The following DYSF variants were observed in gnomAD, a reference collection of about 807,000 sequenced individuals.
DYSF encodes dystrophy-associated fer-1-like 1.
Under a neutral mutation model 274.9 loss-of-function variants are expected in DYSF, and 212 were observed. The ratio of observed to expected loss-of-function variants is 0.77; its 90% CI spans 0.69 to 0.86. The LOEUF (loss-of-function observed/expected upper bound fraction) is 0.86. Among genes scored for constraint, DYSF ranks in the 40% least tolerant of loss-of-function variants. The pLI is 0.00. For synonymous variants in DYSF, 1,091 were observed against 1,078.7 expected, an observed-to-expected ratio of 1.01 and a Z score of -0.22; for missense variants, 2,666 against 2,783.2, an observed-to-expected ratio of 0.96 and a Z score of 0.95.
intron 3 of DYSF, among the ~76,000 whole-genome samples, chr2:71,494,789 G>A (rs973139948): frequency 6.6e-6 from 1 of 152,244 alleles, no homozygotes; most frequent in Admixed American, 6.5e-5. Flanking sequence ...GATAGACAGT[G>A]TTGGAGTGAG....
rs998827835 is a variant in DYSF at position 71,553,923 on chromosome 2, G to A, written c.2101G>A (p.Asp701Asn). 8 of 1,614,058 alleles carry A rather than the reference G, an allele frequency of 5.0e-6. No homozygotes were observed. In the Admixed American group the frequency reaches 6.7e-5, roughly 13 times the overall value. ...ETQNQLLGIA[D>N]RLEAGLEQVH... The stretch of plus-strand genomic sequence containing the variant: ...TCAGAACCAGCTGCTTGGGATTGCT[G>A]ACCGGCTGGTGAGTGAAAACTTGCC... The change falls in exon 21 of 56, where the codon GAC (aspartate) becomes AAC (asparagine). Residue 701 changes from aspartate to asparagine, a missense_variant. Transcript: ENST00000410020.
chr2:71,467,837 A>G (rs1183902042), intron 1 of DYSF, among the ~76,000 whole-genome samples: 1 of 152,244 alleles, frequency 6.6e-6, no homozygotes, highest in East Asian at 1.9e-4. Flanking sequence ...CGTATCAGAA[A>G]AGATAGTCAA....
chr2:71,478,583 C>T (rs2082607253), intron 1 of DYSF, among the ~76,000 whole-genome samples: 1 of 152,112 alleles, frequency 6.6e-6, no homozygotes, highest in African/African-American at 2.4e-5. Context: ...CAAAGAATCA[C>T]AGGAAATAAG....
chr2:71,649,334 A>G (rs1286389651), intron 42 of DYSF, among the ~76,000 whole-genome samples: 1 of 152,164 alleles, frequency 6.6e-6, no homozygotes, highest in African/African-American at 2.4e-5. Context: ...AATGATTGAC[A>G]TATGATAAAA....
intron 46 of DYSF, among the ~76,000 whole-genome samples, chr2:71,664,763 G>A (rs903152823): frequency 1.3e-5 from 2 of 152,198 alleles, no homozygotes; most frequent in African/African-American, 4.8e-5. Context: ...AGGGAAGGAA[G>A]GCAGGAAAGA....
At chr2:71,685,537 G>A (rs1206419113) in intron 55 of DYSF, among the ~76,000 whole-genome samples, 1 of 152,250 alleles carries the variant, frequency 6.6e-6, no homozygotes, top group Non-Finnish European at 1.5e-5. Flanking sequence ...ATGGGACAGA[G>A]GCTGCCTGCC....
chr2:71,659,767 G>A (rs534761148), intron 44 of DYSF, among the ~76,000 whole-genome samples: 1 of 152,356 alleles, frequency 6.6e-6, no homozygotes, highest in South Asian at 2.1e-4. Context: ...GAGTTATGGG[G>A]AGGTGACAGA....
At chr2:71,662,355 A>G (rs1010919303) in intron 45 of DYSF, among the ~76,000 whole-genome samples, 2 of 152,130 alleles carry the variant, frequency 1.3e-5, no homozygotes, top group African/African-American at 4.8e-5. Flanking sequence ...GCCCATTTGT[A>G]TGGAATCCCG....
At chr2:71,498,524 C>T (rs561782866) in intron 3 of DYSF, among the ~76,000 whole-genome samples, 64 of 152,318 alleles carry the variant, frequency 4.2e-4, no homozygotes, top group African/African-American at 1.5e-3. Context: ...TTAGGTTCTA[C>T]AATAGTGACG....
rs12998057 is a variant in DYSF at position 71,481,602 on chromosome 2, T to C, written c.148-277T>C. ...TCCTGGGGATGGGTTGAAACTGAGT[T>C]GGGAGAGGGGCCTGTGAAAGACCTC... is the stretch of plus-strand genomic sequence containing the variant. On this transcript the variant is annotated intron_variant, in intron 2 of 55. Transcript: ENST00000410020. Among the ~76,000 whole-genome samples the C allele has an allele frequency of 0.14, 21,419 of 152,204 alleles. 1,884 individuals carry two copies. Among genetic ancestry groups the C allele is most frequent in the African/African-American group, 0.22 (9,248 of 41,508 alleles).
chr2:71,563,271 G>A (rs893775259), intron 23 of DYSF, among the ~76,000 whole-genome samples: 5 of 152,334 alleles, frequency 3.3e-5, no homozygotes, highest in African/African-American at 1.2e-4. Flanking sequence ...GGGGCTGCCT[G>A]TCCTGCCTCC....
Position 71,516,981 on chromosome 2 carries a change from C to T in DYSF, c.952-8C>T. The T allele has an allele frequency of 6.2e-7, 1 of 1,614,072 alleles. No homozygotes were observed. The highest frequency in any genetic ancestry group is 8.5e-7 in the Non-Finnish European group (1 of 1,179,954). On this transcript the variant is annotated splice_region_variant and splice_polypyrimidine_tract_variant and intron_variant, in intron 9 of 55. Coordinates refer to ENST00000410020, the MANE Select transcript of DYSF (RefSeq NM_001130987.2). Reference sequence around the variant, plus strand: ...GTGAATGTGAGTTTCCATGATCTTTCTCTGCAGGTGGTAGACTCTCGTTCT... The same window carrying T: ...GTGAATGTGAGTTTCCATGATCTTTTTCTGCAGGTGGTAGACTCTCGTTCT...
Position 71,601,565 on chromosome 2 carries a change from T to C in DYSF, c.3927+37T>C, listed in dbSNP as rs751757011. 13 of 1,613,686 alleles carry C rather than the reference T, an allele frequency of 8.1e-6. No individual in the cohort carries two copies. In the African/African-American group the frequency reaches 1.7e-4, roughly 22 times the overall value. On this transcript the variant is annotated intron_variant, in intron 35 of 55. Transcript: ENST00000410020. ...TCTGACCTTTCCTTCTTCAAACTGA[T>C]TGCCAGTCTCCCTGTGTTTGGCATC...
At chr2:71,573,891 C>T (rs565942954) in intron 29 of DYSF, among the ~76,000 whole-genome samples, 6 of 152,170 alleles carry the variant, frequency 3.9e-5, no homozygotes, top group East Asian at 1.9e-4. Flanking sequence ...GGCGCAATCT[C>T]GGCTCACTGC....
chr2:71,495,312 A>C (rs1339288552), intron 3 of DYSF, among the ~76,000 whole-genome samples: 1 of 152,188 alleles, frequency 6.6e-6, no homozygotes, highest in African/African-American at 2.4e-5. Flanking sequence ...AGTTTATGTC[A>C]TGTGTGCCCA....
At chr2:71,473,047 A>G (rs2082150066) in intron 1 of DYSF, among the ~76,000 whole-genome samples, 1 of 152,078 alleles carries the variant, frequency 6.6e-6, no homozygotes, top group South Asian at 2.1e-4. Context: ...CTTTTTGGCC[A>G]CTTCTGTGGT....
intron 39 of DYSF, 101 bp from the exon 40 acceptor site, chr2:71,613,233 G>T (rs1179981335): frequency 3.1e-5 from 31 of 997,398 alleles, no homozygotes; most frequent in Middle Eastern, 2.7e-4. Context: ...TGGAGAGACT[G>T]CAGGGTCTTG....
intron 20 of DYSF, 97 bp downstream of exon 20, chr2:71,553,285 A>G: frequency 6.4e-7 from 1 of 1,561,672 alleles, no homozygotes; most frequent in Non-Finnish European, 8.8e-7. Context: ...GCCAGAGTCT[A>G]CTCAAAGGCC....
At chr2:71,498,562 C>G (rs528955692) in intron 3 of DYSF, among the ~76,000 whole-genome samples, 2 of 152,310 alleles carry the variant, frequency 1.3e-5, no homozygotes, top group South Asian at 4.1e-4. Flanking sequence ...TGGGGAGGCT[C>G]GGAATCCCGT....
Sources: gnomAD v4.1 joint callset for allele counts (sites outside exome capture counted in the v4.1 genomes callset) on GRCh38, gnomAD v4.1.1 for gene constraint, MANE v1.5 for transcripts, NCBI Gene and HGNC (gene_info 2026-07-23, HGNC 2026-07-21) for gene names.